PKNOX2: variants seen among roughly 807,000 people sequenced by gnomAD.
The protein encoded by PKNOX2 is PBX/knotted 1 homeobox 2.
In PKNOX2, 14 loss-of-function variants were observed where a neutral mutation model predicts 53.1. The observed-to-expected ratio is 0.26, with a 90% CI of 0.17 to 0.41. PKNOX2 has a LOEUF of 0.41. PKNOX2 is among the 10% of genes least tolerant of loss of function. PKNOX2 has a pLI of 1.00. For missense variants in PKNOX2, 496 were observed against 602.8 expected (o/e 0.82, Z 1.85); for synonymous variants, 257 against 242.8 (o/e 1.06, Z -0.54).
intron 1 of PKNOX2, among the ~76,000 whole-genome samples, chr11:125,178,614 GAAAGAAAGAAAGAAAGAAAGAAA>G (rs1955893459): frequency 3.3e-5 from 2 of 60,828 alleles, no homozygotes; most frequent in Admixed American, 1.4e-4. Flanking sequence ...AGGAAGGAAA[GAAAGAAAGAAAGAAAGAAAGAAA>G]GAAAGAAAGA....
At chr11:125,213,997 T>G (rs1295792987) in intron 1 of PKNOX2, among the ~76,000 whole-genome samples, 1 of 152,080 alleles carries the variant, frequency 6.6e-6, no homozygotes, top group African/African-American at 2.4e-5. Flanking sequence ...GCCTTTTGGC[T>G]CGGCTATCTC....
intron 3 of PKNOX2, among the ~76,000 whole-genome samples, chr11:125,341,116 C>T (rs1301935580): frequency 7.0e-6 from 1 of 143,844 alleles, no homozygotes; most frequent in Admixed American, 7.0e-5. Flanking sequence ...AATCCCAGAA[C>T]TTTGGAAGGC....
At chr11:125,322,131 G>C (rs527895452) in intron 2 of PKNOX2, among the ~76,000 whole-genome samples, 1 of 152,254 alleles carries the variant, frequency 6.6e-6, no homozygotes, top group East Asian at 1.9e-4. Flanking sequence ...CCTTGAAGGA[G>C]AGTCATAGGC....
intron 2 of PKNOX2, among the ~76,000 whole-genome samples, chr11:125,280,897 C>A (rs958404392): frequency 6.6e-6 from 1 of 152,150 alleles, no homozygotes; most frequent in South Asian, 2.1e-4. Context: ...CCACTCACCC[C>A]CTAGTTCTGC....
chr11:125,350,628 G>A (rs975965859), intron 3 of PKNOX2, among the ~76,000 whole-genome samples: 28 of 152,200 alleles, frequency 1.8e-4, no homozygotes, highest in African/African-American at 5.5e-4. Flanking sequence ...CCCGAGTCTG[G>A]GAAAGTACAG....
chr11:125,237,078 T>C (rs1942755135), intron 2 of PKNOX2, among the ~76,000 whole-genome samples: 1 of 152,240 alleles, frequency 6.6e-6, no homozygotes, highest in Admixed American at 6.5e-5. Context: ...AGCTGGTTGC[T>C]GGAATCATCC....
At chr11:125,303,751 G>A (rs146467976) in intron 2 of PKNOX2, among the ~76,000 whole-genome samples, 111 of 152,288 alleles carry the variant, frequency 7.3e-4, no homozygotes, top group African/African-American at 2.6e-3. Context: ...AGAGGGACAG[G>A]CACTAGAAAG....
At chr11:125,353,603 C>T (rs986637233) in intron 4 of PKNOX2, among the ~76,000 whole-genome samples, 1 of 152,220 alleles carries the variant, frequency 6.6e-6, no homozygotes, top group African/African-American at 2.4e-5. Flanking sequence ...AGAAGCCAGA[C>T]ACAGGCACTG....
chr11:125,236,819 G>A (rs1380390882), intron 2 of PKNOX2, among the ~76,000 whole-genome samples: 1 of 152,250 alleles, frequency 6.6e-6, no homozygotes, highest in Non-Finnish European at 1.5e-5. Context: ...CCCAGTTGAG[G>A]AGGGAAGGGT....
chr11:125,243,377 A>G (rs11219983), intron 2 of PKNOX2, among the ~76,000 whole-genome samples: 3,672 of 152,284 alleles, frequency 0.024, 166 homozygotes, highest in African/African-American at 0.083. Context: ...AAAGTGGGCC[A>G]TCTTCAGTTA....
chr11:125,246,485 G>C (rs920580480), intron 2 of PKNOX2, among the ~76,000 whole-genome samples: 1 of 152,184 alleles, frequency 6.6e-6, no homozygotes, highest in Non-Finnish European at 1.5e-5. Flanking sequence ...CCTGGGACAC[G>C]CTACTGGTGC....
At chr11:125,420,649 C>T (rs1224292432) in intron 10 of PKNOX2, among the ~76,000 whole-genome samples, 1 of 152,194 alleles carries the variant, frequency 6.6e-6, no homozygotes, top group Non-Finnish European at 1.5e-5. Flanking sequence ...CAATTGTTCT[C>T]AACCTCTCTA....
chr11:125,248,234 C>G lies in PKNOX2; in HGVS notation c.-130+13119C>G, dbSNP rs925322399. Among the ~76,000 whole-genome samples the G allele has an allele frequency of 2.6e-5, 4 of 152,308 alleles. No individual in the cohort carries two copies. In the East Asian group the frequency reaches 5.8e-4, roughly 22 times the overall value. Reference sequence around the variant, plus strand: ...CATCCACTGCTTGGAGTTTTCTGCTCCAGGGTTCTAATGAACCTGAAGGCA... The same window carrying G: ...CATCCACTGCTTGGAGTTTTCTGCTGCAGGGTTCTAATGAACCTGAAGGCA... On this transcript the variant is annotated intron_variant, in intron 2 of 12. Transcript: ENST00000298282.
intron 8 of PKNOX2, 56 bp downstream of exon 8, chr11:125,410,381 T>C (rs1955432383): frequency 6.2e-7 from 1 of 1,606,358 alleles, no homozygotes; most frequent in Non-Finnish European, 8.5e-7. Flanking sequence ...GGAGAAAGGG[T>C]GGCCCCGAGG....
intron 1 of PKNOX2, among the ~76,000 whole-genome samples, chr11:125,229,355 C>G (rs1942005397): frequency 6.6e-6 from 1 of 152,202 alleles, no homozygotes; most frequent in East Asian, 1.9e-4. Context: ...GATACTCTAC[C>G]TCATCCAATG....
intron 2 of PKNOX2, among the ~76,000 whole-genome samples, chr11:125,324,755 C>T (rs910300549): frequency 2.0e-5 from 3 of 152,248 alleles, no homozygotes; most frequent in African/African-American, 7.2e-5. Flanking sequence ...GAGGCAAAAA[C>T]AAACAGATTG....
rs143238733 is a variant in PKNOX2 at position 125,373,363 on chromosome 11, G to T, written c.227+5378G>T. Among the ~76,000 whole-genome samples the T allele has an allele frequency of 2.1e-3, 313 of 152,286 alleles. 6 individuals carry two copies. The highest frequency in any genetic ancestry group is 6.8e-3 in the Middle Eastern group (2 of 294). On this transcript the variant is annotated intron_variant, in intron 5 of 12. Transcript: ENST00000298282. ...TCAGGATGTGAAGTCTGGTACATTCGGGGGGACAGGATCGGGGTCACGAGC... is the reference window on the plus strand; with the variant it reads ...TCAGGATGTGAAGTCTGGTACATTCTGGGGGACAGGATCGGGGTCACGAGC...
At chr11:125,371,072 C>T (rs1397392451) in intron 5 of PKNOX2, among the ~76,000 whole-genome samples, 1 of 152,206 alleles carries the variant, frequency 6.6e-6, no homozygotes, top group Non-Finnish European at 1.5e-5. Context: ...ATGAAATGTA[C>T]TGGTTCCCTT....
chr11:125,362,809 C>T (rs1003047132), intron 4 of PKNOX2, among the ~76,000 whole-genome samples: 1 of 152,164 alleles, frequency 6.6e-6, no homozygotes, highest in South Asian at 2.1e-4. Context: ...TTCCCAGCAC[C>T]CCTTAAAACA....
Sources: gnomAD v4.1 joint callset for allele counts (sites outside exome capture counted in the v4.1 genomes callset) on GRCh38, gnomAD v4.1.1 for gene constraint, MANE v1.5 for transcripts, NCBI Gene and HGNC (gene_info 2026-07-23, HGNC 2026-07-21) for gene names.